DLGAP2: variants seen among roughly 807,000 people sequenced by gnomAD.
DLGAP2 encodes the protein DLG associated protein 2, also known as disks large-associated protein 2.
A neutral mutation model predicts 100.3 loss-of-function variants in DLGAP2; 26 were observed. The ratio of observed to expected loss-of-function variants is 0.26; its 90% confidence interval spans 0.19 to 0.36. The LOEUF (loss-of-function observed/expected upper bound fraction) is 0.36, where lower values mean the gene tolerates loss of function less well. DLGAP2 is among the 10% of genes least tolerant of loss of function. DLGAP2 has a pLI of 1.00. For synonymous variants in DLGAP2, 886 were observed against 630.1 expected (o/e 1.41, Z -6.08); for missense variants, 1,858 against 1,453.2 (o/e 1.28, Z -4.53).
intron 14 of DLGAP2, among the ~76,000 whole-genome samples, chr8:1,698,041 C>G (rs945146046): frequency 4.6e-5 from 7 of 152,182 alleles, no homozygotes; most frequent in African/African-American, 1.7e-4. Flanking sequence ...AGTCAGCATC[C>G]TTTGGGGAAG....
At chr8:1,112,405 T>C (rs1346510927) in intron 2 of DLGAP2, among the ~76,000 whole-genome samples, 1 of 152,090 alleles carries the variant, frequency 6.6e-6, no homozygotes, top group East Asian at 1.9e-4. Context: ...TACACCCGGC[T>C]AATTTTTTGT....
chr8:895,469 C>T (rs998480806), intron 1 of DLGAP2, among the ~76,000 whole-genome samples: 1 of 152,308 alleles, frequency 6.6e-6, no homozygotes, highest in African/African-American at 2.4e-5. Context: ...CCCGTCCCCC[C>T]TTCTGAGACC....
Position 1,430,011 on chromosome 8 carries a change from T to TATATATATATATATATATATACAC in DLGAP2, c.107-71338_107-71337insTATACACATATATATATATATATA, listed in dbSNP as rs1348288489. Among the ~76,000 whole-genome samples the TATATATATATATATATATATACAC allele has an allele frequency of 3.4e-4, 22 of 63,956 alleles. 1 individual carries two copies. Among genetic ancestry groups the TATATATATATATATATATATACAC allele is most frequent in the African/African-American group, 7.7e-4 (14 of 18,118 alleles). The allele number at this position is 63,956 out of a possible 152,430, so 42.0% of individuals were successfully genotyped here. ...GGGGAGAGATGCATATATATACATA[T>TATATATATATATATATATATACAC]ATATATATATATATATACACACACA... On this transcript the variant is annotated intron_variant, in intron 3 of 14. Transcript: ENST00000637795.
intron 2 of DLGAP2, among the ~76,000 whole-genome samples, chr8:998,113 G>A (rs1430187658): frequency 6.6e-6 from 1 of 151,964 alleles, no homozygotes; most frequent in South Asian, 2.1e-4. Flanking sequence ...ATACACACGT[G>A]TATGAACACA....
intron 2 of DLGAP2, among the ~76,000 whole-genome samples, chr8:1,235,107 C>T (rs550323387): frequency 7.4e-4 from 18 of 24,440 alleles, no homozygotes; most frequent in African/African-American, 1.6e-3. Flanking sequence ...GTGTCTAGTT[C>T]TCTCACACAT....
At chr8:1,230,713 A>C (rs1465950396) in intron 2 of DLGAP2, among the ~76,000 whole-genome samples, 1 of 152,330 alleles carries the variant, frequency 6.6e-6, no homozygotes, top group East Asian at 1.9e-4. Context: ...ATACAGCTAA[A>C]GTCATCTAAT....
intron 6 of DLGAP2, among the ~76,000 whole-genome samples, chr8:1,594,490 A>G (rs765790209): frequency 1.4e-4 from 22 of 152,190 alleles, no homozygotes; most frequent in Non-Finnish European, 2.9e-4. Context: ...CAGATCAAAC[A>G]GAAGAAAGCA....
At chr8:772,766 A>C (rs1276792176) in intron 1 of DLGAP2, among the ~76,000 whole-genome samples, 8 of 152,270 alleles carry the variant, frequency 5.3e-5, no homozygotes, top group Admixed American at 5.2e-4. Flanking sequence ...CCCTGGCTCC[A>C]GCACAGTGCC....
chr8:863,321 G>C (rs1353714787), intron 1 of DLGAP2, among the ~76,000 whole-genome samples: 1 of 152,168 alleles, frequency 6.6e-6, no homozygotes, highest in Admixed American at 6.5e-5. Flanking sequence ...TCAAGTCATT[G>C]ATGGAGTGCT....
At chr8:1,327,634 G>A (rs545478284) in intron 3 of DLGAP2, among the ~76,000 whole-genome samples, 2 of 152,256 alleles carry the variant, frequency 1.3e-5, no homozygotes, top group Non-Finnish European at 2.9e-5. Context: ...CACGAGGTCA[G>A]GAGATCGAGA....
intron 1 of DLGAP2, among the ~76,000 whole-genome samples, chr8:890,485 T>C (rs940712211): frequency 6.6e-6 from 1 of 152,016 alleles, no homozygotes; most frequent in African/African-American, 2.4e-5. Context: ...TCCCTTCTGG[T>C]TCTCGTTCTT....
At chr8:1,414,272 C>T (rs566472891) in intron 3 of DLGAP2, among the ~76,000 whole-genome samples, 12 of 152,308 alleles carry the variant, frequency 7.9e-5, no homozygotes, top group East Asian at 1.9e-4. Context: ...GTTGGCATGG[C>T]GCCCTGAGCA....
intron 2 of DLGAP2, among the ~76,000 whole-genome samples, chr8:1,082,903 T>A (rs1490340780): frequency 6.6e-6 from 1 of 152,200 alleles, no homozygotes; most frequent in Non-Finnish European, 1.5e-5. Context: ...TATTCAACTT[T>A]TGGGGGAATA....
chr8:1,291,119 T>G (rs1233616443), intron 3 of DLGAP2, among the ~76,000 whole-genome samples: 1 of 152,138 alleles, frequency 6.6e-6, no homozygotes, highest in Non-Finnish European at 1.5e-5. Flanking sequence ...GAAGAAAACT[T>G]AATATCTAGG....
At chr8:1,051,918 A>G (rs1355045218) in intron 2 of DLGAP2, among the ~76,000 whole-genome samples, 1 of 152,142 alleles carries the variant, frequency 6.6e-6, no homozygotes, top group East Asian at 1.9e-4. Context: ...ATGAGAGCAA[A>G]TGAGCTTAAA....
rs13280955 is a variant in DLGAP2, at chr8:1,511,453, C to T, written c.172+10022C>T. On this transcript the variant is annotated intron_variant, in intron 4 of 14. Coordinates refer to ENST00000637795, the MANE Select transcript of DLGAP2 (RefSeq NM_001346810.2). ...TCAGTAGATGACCATCTTCCATGGA[C>T]GTAAGGGCTGTCTAGTGTAGGACAA... Among the ~76,000 whole-genome samples the T allele has an allele frequency of 8.4e-3, 954 of 113,004 alleles. 31 individuals are homozygous for T. The highest frequency in any genetic ancestry group is 0.013 in the Middle Eastern group (3 of 224). 74.1% of individuals were successfully genotyped at this position (113,004 alleles called of 152,430 possible).
Position 1,278,825 on chromosome 8 carries a change from C to G in DLGAP2, c.106+19942C>G, listed in dbSNP as rs138814185. Among the ~76,000 whole-genome samples the G allele has an allele frequency of 2.4e-3, 361 of 152,242 alleles. 2 individuals carry two copies. The highest frequency in any genetic ancestry group is 8.4e-3 in the African/African-American group (347 of 41,550). On this transcript the variant is annotated intron_variant, in intron 3 of 14. Transcript: ENST00000637795. ...AGTGTTCCATTTGGTTAAACATAAG[C>G]ATTTCTTAGTCTTTCCAGAGGAGAG...
At chr8:754,778 G>A (rs1008037930) in intron 1 of DLGAP2, among the ~76,000 whole-genome samples, 1 of 152,188 alleles carries the variant, frequency 6.6e-6, no homozygotes, top group Non-Finnish European at 1.5e-5. Flanking sequence ...GGAGTCTGAG[G>A]CTGCCATGAG....
intron 2 of DLGAP2, among the ~76,000 whole-genome samples, chr8:1,161,853 C>T (rs1796896594): frequency 6.6e-6 from 1 of 152,240 alleles, no homozygotes; most frequent in African/African-American, 2.4e-5. Context: ...CCTGTGCTCA[C>T]GGCCTGCAGG....
Sources: gnomAD v4.1 joint callset for allele counts (sites outside exome capture counted in the v4.1 genomes callset) on GRCh38, gnomAD v4.1.1 for gene constraint, MANE v1.5 for transcripts, NCBI Gene and HGNC (gene_info 2026-07-23, HGNC 2026-07-21) for gene names.